Variants in HSPG2 observed in about 807,000 individuals in gnomAD.
HSPG2 encodes the protein heparan sulfate proteoglycan 2, also known as basement membrane-specific heparan sulfate proteoglycan core protein.
HSPG2 carries 278 observed loss-of-function variants against 526.6 expected under a neutral mutation model. That is an observed-to-expected ratio of 0.53 (90% CI 0.48 to 0.58). The LOEUF is 0.58. Ranked by LOEUF, HSPG2 falls within the 20% of genes least tolerant of loss-of-function variation. The probability of loss-of-function intolerance (pLI) is 0.00; values close to 1 mark genes in which losing one functional copy is unlikely to be tolerated. For synonymous variants in HSPG2, 2,465 were observed against 2,555.4 expected, an observed-to-expected ratio of 0.96 and a Z score of 1.07; for missense variants, 5,354 against 6,099.5, an observed-to-expected ratio of 0.88 and a Z score of 4.07.
Position 21,865,824 on chromosome 1 carries a change from G to A in HSPG2, c.4222-15C>T. 1 of 1,602,936 alleles carries A rather than the reference G, an allele frequency of 6.2e-7. No homozygotes were observed. Among genetic ancestry groups the A allele is most frequent in the Non-Finnish European group, 8.5e-7 (1 of 1,170,418 alleles). ...TAGGCCGCCACCTGCAAAGAGGCAA[G>A]CCCAGAGGTCACAGGCTGACCTTGG... On this transcript the variant is annotated splice_polypyrimidine_tract_variant and intron_variant, in intron 33 of 96. Transcript: ENST00000374695. The surrounding 1 kb of genome is among the most constrained non-coding windows in gnomAD (Gnocchi z 5.4).
intron 13 of HSPG2, 76 bp downstream of exon 13, chr1:21,884,452 T>C: frequency 1.3e-6 from 2 of 1,585,312 alleles, no homozygotes; most frequent in Non-Finnish European, 1.7e-6. Context: ...TCTGTCCGCA[T>C]CTATCCTCTG....
In HSPG2 at chr1:21,839,583, C is replaced by T. The variant is rs2098040558; in HGVS notation, c.9710-33G>A. 1 of 1,611,040 alleles carries T rather than the reference C, an allele frequency of 6.2e-7. No individual in the cohort carries two copies. ...GTCGAGTGGAAGATGACAGAAGTCA[C>T]TGGGCTACCTCAGGGACCCGCAGAG... On this transcript the variant is annotated intron_variant, in intron 72 of 96. Transcript: ENST00000374695. The surrounding 1 kb of genome is among the most constrained non-coding windows in gnomAD (Gnocchi z 4.5).
chr1:21,880,804 T>C lies in HSPG2; in HGVS notation c.1850A>G (p.Asn617Ser), dbSNP rs1164375035. 5 of 1,595,902 alleles carry C rather than the reference T, an allele frequency of 3.1e-6. No individual in the cohort carries two copies. The South Asian group carries it at 3.4e-5, about 11-fold the overall frequency. The stretch of plus-strand genomic sequence containing the variant: ...GCCACGGGCCAACTCGTAGCGCACG[T>C]TGTAACGCAGGGAGCCGCCATAGGA... ...VDSYGGSLRYNVRYELARGML... is the reference protein window; with the variant it reads ...VDSYGGSLRYSVRYELARGML... The change falls in exon 15 of 97, where the codon AAC (asparagine) becomes AGC (serine). Residue 617 changes from asparagine (N) to serine (S), a missense_variant. Physicochemically the swap from Asn to Ser is conservative, Grantham distance 46 (BLOSUM62 1). Transcript: ENST00000374695.
intron 3 of HSPG2, among the ~76,000 whole-genome samples, chr1:21,892,862 CAAA>C (rs564802827): frequency 9.6e-6 from 1 of 103,930 alleles, no homozygotes. Flanking sequence ...GACTCCATCT[CAAA>C]AAAAAAAAAA....
chr1:21,878,352 G>A (rs547217136), intron 20 of HSPG2, 81 bp downstream of exon 20: 13 of 1,575,930 alleles, frequency 8.2e-6, no homozygotes, highest in Non-Finnish European at 1.1e-5. Context: ...CATGAGCTGG[G>A]GCAGGGAGGG....
rs758451162 is a variant in HSPG2, at chr1:21,896,048, C to G, written c.200-82G>C. 23 of 1,589,340 alleles carry G rather than the reference C, an allele frequency of 1.4e-5. No individual in the cohort carries two copies. In the Middle Eastern group the frequency reaches 1.3e-3, roughly 92 times the overall value. ...GGGTGTCAGGCACTGTTCTGGGCAC[C>G]TAGTATACAGTGGGACAGGGTTGAG... On this transcript the variant is annotated intron_variant, in intron 2 of 96. Transcript: ENST00000374695.
At position 21,822,389 on chromosome 1, in the gene HSPG2, C is replaced by CCCCATCTGCAGG; in HGVS notation, c.*926_*927insCCTGCAGATGGG. On this transcript the variant is annotated 3_prime_UTR_variant, in exon 97 of 97. Coordinates refer to ENST00000374695, the MANE Select transcript of HSPG2 (RefSeq NM_005529.7). ...CTTGAGCTGGATCTTCAGGCTCCTG[C>CCCCATCTGCAGG]AGATGGGGCAGGGTGGTCATATCCC... The CCCCATCTGCAGG allele has an allele frequency of 1.5e-6, 1 of 659,220 alleles. No individual in the cohort carries two copies. The highest frequency in any genetic ancestry group is 2.7e-6 in the Non-Finnish European group (1 of 370,468). The allele number at this position is 659,220 out of a possible 1,614,324, so 40.8% of individuals were successfully genotyped here. A position where few individuals can be genotyped will look rare whatever the true frequency, so the allele number is the denominator to read the frequency against.
At chr1:21,869,523 A>G (rs1047477020) in intron 33 of HSPG2, 16 of 988,288 alleles carry the variant, frequency 1.6e-5, no homozygotes, top group Admixed American at 6.1e-5. Context: ...AGGAGGAAGA[A>G]GAAGGAGGAG....
At chr1:21,838,733 G>T in intron 74 of HSPG2, 92 bp downstream of exon 74, 1 of 1,374,470 alleles carries the variant, frequency 7.3e-7, no homozygotes, top group South Asian at 1.2e-5. Context: ...GGGTTATGGA[G>T]GGAGGCCTTC....
intron 1 of HSPG2, among the ~76,000 whole-genome samples, chr1:21,916,358 A>G (rs1569573507): frequency 1.3e-5 from 2 of 152,166 alleles, no homozygotes; most frequent in East Asian, 3.9e-4. Context: ...AAACACAATT[A>G]GTCAGGCGTG....
intron 33 of HSPG2, among the ~76,000 whole-genome samples, chr1:21,871,264 T>TC (rs886857634): frequency 2.0e-5 from 3 of 147,306 alleles, no homozygotes; most frequent in African/African-American, 7.5e-5. Context: ...ATTTGTTTTT[T>TC]TTTTTTTTTT....
rs780522976 is a variant in HSPG2, at chr1:21,824,251, G to A, written c.12816-47C>T. ...AAGTATGAGCTGGGGCAGGACCGGG[G>A]GGTGGGGTGCTGGGACCAGGGAAGG... On this transcript the variant is annotated intron_variant, in intron 94 of 96. Coordinates refer to ENST00000374695, the MANE Select transcript of HSPG2 (RefSeq NM_005529.7). The surrounding 1 kb of genome is among the most constrained non-coding windows in gnomAD (Gnocchi z 5.9). 3 of 1,613,016 alleles carry A rather than the reference G, an allele frequency of 1.9e-6. No individual in the cohort carries two copies. Among genetic ancestry groups the A allele is most frequent in the Non-Finnish European group, 2.5e-6 (3 of 1,179,214 alleles).
intron 1 of HSPG2, chr1:21,908,201 A>T: frequency 1.1e-6 from 1 of 873,048 alleles, no homozygotes; most frequent in Non-Finnish European, 1.9e-6. Context: ...CGAATCTATA[A>T]GAAAGGTGAT....
chr1:21,828,817 C>T lies in HSPG2; in HGVS notation c.12237+18G>A, dbSNP rs1004932738. Reference sequence around the variant, plus strand: ...GGCACCCCTCCCCTCCCGCTTGTCCCGAGGAGGCTGCTCTTACCTCGCCCA... The same window carrying T: ...GGCACCCCTCCCCTCCCGCTTGTCCTGAGGAGGCTGCTCTTACCTCGCCCA... On this transcript the variant is annotated intron_variant, in intron 88 of 96. Coordinates refer to ENST00000374695, the MANE Select transcript of HSPG2 (RefSeq NM_005529.7). The surrounding 1 kb of genome is among the most constrained non-coding windows in gnomAD (Gnocchi z 6.0). 8.4e-6 allele frequency: 13 copies of T among 1,550,366 alleles called. No homozygotes were observed. The highest frequency in any genetic ancestry group is 4.8e-5 in the South Asian group (4 of 84,040).
Position 21,848,578 on chromosome 1 carries a change from C to T in HSPG2, c.7737+65G>A. The T allele has an allele frequency of 6.5e-7, 1 of 1,543,360 alleles. No homozygotes were observed. Among genetic ancestry groups the T allele is most frequent in the Non-Finnish European group, 8.9e-7 (1 of 1,118,294 alleles). The stretch of plus-strand genomic sequence containing the variant: ...GAGCACAGAGTGAGGTGCTGAGAGT[C>T]CCCCCTCTTCCCATTGGGGGCTGGT... On this transcript the variant is annotated intron_variant, in intron 59 of 96. Coordinates refer to ENST00000374695, the MANE Select transcript of HSPG2 (RefSeq NM_005529.7). The surrounding 1 kb of genome is among the most constrained non-coding windows in gnomAD (Gnocchi z 4.9).
At chr1:21,894,799 C>CG (rs1642628778) in intron 3 of HSPG2, among the ~76,000 whole-genome samples, 1 of 152,176 alleles carries the variant, frequency 6.6e-6, no homozygotes, top group Non-Finnish European at 1.5e-5. Flanking sequence ...CATTCCAGGA[C>CG]GGGACGTGCC....
Position 21,828,716 on chromosome 1 carries a change from C to T in HSPG2, c.12237+119G>A. 6 of 1,420,566 alleles carry T rather than the reference C, an allele frequency of 4.2e-6. No homozygotes were observed. Among genetic ancestry groups the T allele is most frequent in the Non-Finnish European group, 5.8e-6 (6 of 1,037,962 alleles). 88.0% of individuals were successfully genotyped at this position (1,420,566 alleles called of 1,614,324 possible). ...AGGCTCAGAGGTACAGTGTCCTGGC[C>T]CAGGGCCCGTGGGTGGCTGCAGGTG... On this transcript the variant is annotated intron_variant, in intron 88 of 96. Coordinates refer to ENST00000374695, the MANE Select transcript of HSPG2 (RefSeq NM_005529.7). The surrounding 1 kb of genome is among the most constrained non-coding windows in gnomAD (Gnocchi z 6.0).
intron 33 of HSPG2, chr1:21,869,636 C>T (rs1182755363): frequency 2.0e-6 from 2 of 985,934 alleles, no homozygotes; most frequent in African/African-American, 3.5e-5. Flanking sequence ...CAGATCTCAG[C>T]ATCCATCCGT....
In HSPG2 at chr1:21,855,892, G is replaced by A. The variant is rs769905890; in HGVS notation, c.5596C>T (p.Pro1866Ser). Reference sequence around the variant, plus strand: ...TGTGGCGGATGGATGGAGACCACGGGGGCGGACAAGGTGCCCGAGGCTGAC... The same window carrying A: ...TGTGGCGGATGGATGGAGACCACGGAGGCGGACAAGGTGCCCGAGGCTGAC... Reference protein sequence around the residue: ...HVQASGTLSAPVVSIHPPQLT... With the variant: ...HVQASGTLSASVVSIHPPQLT... The change falls in exon 45 of 97, where the codon CCC becomes TCC. Residue 1866 changes from proline (P) to serine (S), a missense_variant. Physicochemically the swap from Pro to Ser is moderately conservative, Grantham distance 74. Transcript: ENST00000374695. 2 of 1,610,944 alleles carry A rather than the reference G, an allele frequency of 1.2e-6. No homozygotes were observed. The highest frequency in any genetic ancestry group is 3.3e-5 in the Admixed American group (2 of 60,034).
Sources: gnomAD v4.1 joint callset for allele counts (sites outside exome capture counted in the v4.1 genomes callset) on GRCh38, gnomAD v4.1.1 for gene constraint, Gnocchi (gnomAD v3.1) non-coding constraint, MANE v1.5 for transcripts, NCBI Gene and HGNC (gene_info 2026-07-23, HGNC 2026-07-21) for gene names.